POTEI: variants seen among roughly 807,000 people sequenced by gnomAD.
POTEI encodes POTE ankyrin domain family member I.
POTEI carries 14 observed loss-of-function variants against 43.4 expected under a neutral mutation model. The ratio of observed to expected loss-of-function variants is 0.32; its 90% confidence interval spans 0.21 to 0.50. POTEI has a LOEUF of 0.50. Ranked by LOEUF, POTEI falls within the 20% of genes least tolerant of loss-of-function variation. POTEI has a pLI of 0.98. For synonymous variants in POTEI, 95 were observed against 297.9 expected (o/e 0.32, Z 7.01); for missense variants, 235 against 795.4 (o/e 0.30, Z 8.47).
intron 8 of POTEI, among the ~76,000 whole-genome samples, chr2:130,488,633 G>T (rs572215940): frequency 3.1e-5 from 4 of 127,924 alleles, no homozygotes; most frequent in African/African-American, 1.2e-4. Context: ...ATGACACACT[G>T]TGCGGCTTCA....
chr2:130,477,267 C>T (rs1683231248), intron 10 of POTEI, among the ~76,000 whole-genome samples: 1 of 147,482 alleles, frequency 6.8e-6, no homozygotes, highest in Non-Finnish European at 1.5e-5. Flanking sequence ...GATTCTCCTG[C>T]TTCAGTCTCC....
intron 5 of POTEI, among the ~76,000 whole-genome samples, 180 bp from the exon 6 acceptor site, chr2:130,496,802 G>A (rs1472510685): frequency 1.2e-3 from 154 of 129,596 alleles, no homozygotes; most frequent in Middle Eastern, 7.9e-3. Flanking sequence ...AATTAAAGAC[G>A]AAAAAAATGT....
At chr2:130,468,458 A>G (rs1168910612) in intron 13 of POTEI, among the ~76,000 whole-genome samples, 5 of 152,190 alleles carry the variant, frequency 3.3e-5, no homozygotes, top group Admixed American at 6.5e-5. Flanking sequence ...CTTAACAACC[A>G]TGGTAGAAGG....
In POTEI at chr2:130,507,311, TATATATAC is replaced by T. The variant is rs1413487069; in HGVS notation, c.521+1396_521+1403del. Among the ~76,000 whole-genome samples, 62 of 10,806 alleles carry T rather than the reference TATATATAC, an allele frequency of 5.7e-3. 3 individuals are homozygous for T. The highest frequency in any genetic ancestry group is 8.4e-3 in the African/African-American group (59 of 7,026). The allele number at this position is 10,806 out of a possible 152,430, so 7.1% of individuals were successfully genotyped here. A position where few individuals can be genotyped will look rare whatever the true frequency, so the allele number is the denominator to read the frequency against. ...ATATATATATATATATATATATATA[TATATATAC>T]ACACACACACACACACACATATATA... On this transcript the variant is annotated intron_variant, in intron 1 of 14. Coordinates refer to ENST00000451531, the MANE Select transcript of POTEI (RefSeq NM_001277406.2).
chr2:130,460,305 C>A lies in POTEI; in HGVS notation c.*2511G>T, dbSNP rs62161856. 0.095 allele frequency: 13,526 copies of A among 142,970 alleles called. 661 individuals carry two copies. Among genetic ancestry groups the A allele is most frequent in the Middle Eastern group, 0.15 (41 of 278 alleles). The allele number at this position is 142,970 out of a possible 1,614,324, so 8.9% of individuals were successfully genotyped here. ...GAGGAGAACTCTCTCAAAAGTGAAC[C>A]CCCAGCACAGCACAGCCGCTCTACA... On this transcript the variant is annotated 3_prime_UTR_variant, in exon 15 of 15. Transcript: ENST00000451531.
Position 130,493,461 on chromosome 2 carries a change from T to G in POTEI, c.1127-2721A>C, listed in dbSNP as rs1348565988. ...GAGTTATAAATGCTGGTTATCCAAT[T>G]ACCTACTCAAAATATCCTACATGAA... On this transcript the variant is annotated intron_variant, in intron 6 of 14. Coordinates refer to ENST00000451531, the MANE Select transcript of POTEI (RefSeq NM_001277406.2). Among the ~76,000 whole-genome samples, 18 of 40,806 alleles carry G rather than the reference T, an allele frequency of 4.4e-4. 5 individuals are homozygous for G. The highest frequency in any genetic ancestry group is 1.1e-3 in the African/African-American group (18 of 16,578). 26.8% of individuals were successfully genotyped at this position (40,806 alleles called of 152,430 possible).
chr2:130,480,504 T>C (rs1337496132), intron 10 of POTEI, among the ~76,000 whole-genome samples: 1 of 149,286 alleles, frequency 6.7e-6, no homozygotes, highest in Non-Finnish European at 1.5e-5. Flanking sequence ...ATGTTCCTTC[T>C]GGCAAACACA....
chr2:130,509,669 C>T (rs1684286725), upstream of POTEI: 3 of 63,306 alleles, frequency 4.7e-5, no homozygotes, highest in African/African-American at 2.7e-4. Flanking sequence ...AGCAGTTACC[C>T]GCGTGCAGCA....
upstream of POTEI, chr2:130,509,449 G>C: frequency 7.5e-6 from 2 of 265,148 alleles, no homozygotes; most frequent in African/African-American, 7.4e-5. Flanking sequence ...ACCCGAGGAA[G>C]GGCCAACCCC....
chr2:130,507,367 T>C (rs1403151180), intron 1 of POTEI, among the ~76,000 whole-genome samples: 4 of 14,648 alleles, frequency 2.7e-4, no homozygotes, highest in African/African-American at 3.3e-4. Flanking sequence ...CACACACATA[T>C]ATATGTATAT....
intron 9 of POTEI, among the ~76,000 whole-genome samples, chr2:130,486,951 T>G (rs1683594698): frequency 1.9e-5 from 2 of 105,118 alleles, no homozygotes; most frequent in Admixed American, 2.0e-4. Flanking sequence ...TTGGCAATAT[T>G]CAGATTGAGG....
chr2:130,508,646 C>G lies in POTEI; in HGVS notation c.521+69G>C. On this transcript the variant is annotated intron_variant, in intron 1 of 14. Transcript: ENST00000451531. ...GGTGAGAAAGCCAGGTCCCCCTCCT[C>G]CCCCGCCAGGAGGGTATGTCCCCAT... 5.8e-6 allele frequency: 4 copies of G among 684,314 alleles called. No individual in the cohort carries two copies. The East Asian group carries it at 1.5e-4, about 25-fold the overall frequency. 42.4% of individuals were successfully genotyped at this position (684,314 alleles called of 1,614,324 possible). A position where few individuals can be genotyped will look rare whatever the true frequency, so the allele number is the denominator to read the frequency against.
At chr2:130,483,362 AAAAATAAAAT>A (rs200421689) in intron 9 of POTEI, among the ~76,000 whole-genome samples, 40,573 of 60,730 alleles carry the variant, frequency 0.67, 13,135 homozygotes, top group East Asian at 0.98. Context: ...TCCATCTCAA[AAAAATAAAAT>A]AAAATAAAAT....
At chr2:130,477,773 C>A (rs1573918752) in intron 10 of POTEI, among the ~76,000 whole-genome samples, 1 of 141,724 alleles carries the variant, frequency 7.1e-6, no homozygotes, top group African/African-American at 2.8e-5. Context: ...AGAACACATG[C>A]CCAAGCAGAG....
chr2:130,483,700 T>G (rs1683480115), intron 9 of POTEI, among the ~76,000 whole-genome samples: 1 of 146,328 alleles, frequency 6.8e-6, no homozygotes, highest in South Asian at 2.2e-4. Context: ...GTTCATGCCA[T>G]TCTCCTGCCT....
intron 10 of POTEI, among the ~76,000 whole-genome samples, chr2:130,479,201 G>T: frequency 6.8e-6 from 1 of 147,652 alleles, no homozygotes; most frequent in Non-Finnish European, 1.5e-5. Context: ...ACTGCCACTG[G>T]GAACATAAAC....
Position 130,461,181 on chromosome 2 carries a change from A to T in POTEI, c.*1635T>A, listed in dbSNP as rs1338656983. The T allele has an allele frequency of 6.6e-6, 1 of 151,622 alleles. No homozygotes were observed. The highest frequency in any genetic ancestry group is 1.5e-5 in the Non-Finnish European group (1 of 68,032). The allele number at this position is 151,622 out of a possible 1,614,324, so 9.4% of individuals were successfully genotyped here. A position where few individuals can be genotyped will look rare whatever the true frequency, so the allele number is the denominator to read the frequency against. On this transcript the variant is annotated 3_prime_UTR_variant, in exon 15 of 15. Coordinates refer to ENST00000451531, the MANE Select transcript of POTEI (RefSeq NM_001277406.2). ...GAACAAGAACAGGGACTTGCTTCAAAAAGAAAAGTCTGGCCACGTTTTTAT... is the reference window on the plus strand; with the variant it reads ...GAACAAGAACAGGGACTTGCTTCAATAAGAAAAGTCTGGCCACGTTTTTAT...
At chr2:130,506,500 CTT>C (rs1226803035) in intron 1 of POTEI, among the ~76,000 whole-genome samples, 4 of 16,196 alleles carry the variant, frequency 2.5e-4, no homozygotes, top group African/African-American at 5.8e-4. Flanking sequence ...TATTTCATTC[CTT>C]TTTTTTTTTT....
chr2:130,508,588 T>C, intron 1 of POTEI, 127 bp downstream of exon 1: 2 of 574,344 alleles, frequency 3.5e-6, no homozygotes, highest in Non-Finnish European at 5.0e-6. Flanking sequence ...CTCTCTGAGG[T>C]TTCCACAACC....
Sources: gnomAD v4.1 joint callset for allele counts (sites outside exome capture counted in the v4.1 genomes callset) on GRCh38, gnomAD v4.1.1 for gene constraint, MANE v1.5 for transcripts, NCBI Gene and HGNC (gene_info 2026-07-23, HGNC 2026-07-21) for gene names.